The following ODAD4 variants were observed in gnomAD, a reference collection of about 807,000 sequenced individuals.
ODAD4 encodes the protein outer dynein arm-docking complex subunit 4.
Under a neutral mutation model 51.8 loss-of-function variants are expected in ODAD4, and 49 were observed. The observed-to-expected ratio is 0.95, with a 90% CI of 0.75 to 1.20. The LOEUF (loss-of-function observed/expected upper bound fraction) is 1.20, where lower values mean the gene tolerates loss of function less well. Ranked by LOEUF, ODAD4 falls within the 50% of genes most tolerant of loss-of-function variation. The pLI, the probability that ODAD4 is intolerant of heterozygous loss-of-function variation, is 0.00. For missense variants in ODAD4, 590 were observed against 586.5 expected, an observed-to-expected ratio of 1.01 and a Z score of -0.06; for synonymous variants, 235 against 221.3, an observed-to-expected ratio of 1.06 and a Z score of -0.55.
At position 41,965,760 on chromosome 17, in the gene ODAD4, G is replaced by C; in HGVS notation, c.*277G>C. ...AAGGGTTTCAGGAGGGTGAAGATAC[G>C]GGCGCTACAGGGAACAAGAAGTCAC... is the stretch of plus-strand genomic sequence containing the variant. On this transcript the variant is annotated 3_prime_UTR_variant, in exon 12 of 12. Coordinates refer to ENST00000377540, the MANE Select transcript of ODAD4 (RefSeq NM_031421.5). 2.8e-6 allele frequency: 1 copy of C among 359,180 alleles called. No individual in the cohort carries two copies. Among genetic ancestry groups the C allele is most frequent in the Non-Finnish European group, 5.1e-6 (1 of 195,514 alleles). 22.2% of individuals were successfully genotyped at this position (359,180 alleles called of 1,614,324 possible).
At position 41,965,971 on chromosome 17, in the gene ODAD4, G is replaced by T. The variant is rs1378243219; in HGVS notation, c.*488G>T. ...AGCGAATGCTGGGAGTGAGGCCAAA[G>T]ATAGGGGAGTGGCCTGGGAGTCGGG... is the stretch of plus-strand genomic sequence containing the variant. On this transcript the variant is annotated 3_prime_UTR_variant, in exon 12 of 12. Coordinates refer to ENST00000377540, the MANE Select transcript of ODAD4 (RefSeq NM_031421.5). Among the ~76,000 whole-genome samples the T allele has an allele frequency of 5.3e-5, 8 of 152,236 alleles. No homozygotes were observed. Among genetic ancestry groups the T allele is most frequent in the African/African-American group, 1.9e-4 (8 of 41,460 alleles).
chr17:41,931,194 C>T (rs1476238225), intron 1 of ODAD4, among the ~76,000 whole-genome samples: 1 of 152,036 alleles, frequency 6.6e-6, no homozygotes, highest in Non-Finnish European at 1.5e-5. Context: ...TGCGCCTGCC[C>T]CCTGCCCTCA....
intron 9 of ODAD4, among the ~76,000 whole-genome samples, chr17:41,954,360 A>G (rs1349328371): frequency 1.3e-5 from 2 of 152,062 alleles, no homozygotes; most frequent in Admixed American, 1.3e-4. Context: ...TCAATCTGCT[A>G]ATCATTTCAG....
intron 10 of ODAD4, among the ~76,000 whole-genome samples, chr17:41,960,555 G>A (rs1555641551): frequency 6.6e-6 from 1 of 152,232 alleles, no homozygotes; most frequent in East Asian, 1.9e-4. Flanking sequence ...CAGCTGGGAG[G>A]CAGAGCTGGA....
At chr17:41,935,491 C>T (rs1156861662) in intron 2 of ODAD4, 108 bp from the exon 3 acceptor site, 1 of 1,506,120 alleles carries the variant, frequency 6.6e-7, no homozygotes, top group Non-Finnish European at 8.9e-7. Flanking sequence ...AAGTCCCTGC[C>T]CCCTGTATTC....
At chr17:41,933,369 G>T (rs1202593815) in intron 1 of ODAD4, among the ~76,000 whole-genome samples, 4 of 139,372 alleles carry the variant, frequency 2.9e-5, no homozygotes, top group Non-Finnish European at 6.2e-5. Flanking sequence ...AAAAAAAAAA[G>T]ACCAGGTCAG....
chr17:41,963,823 G>C (rs1460253797), intron 11 of ODAD4, among the ~76,000 whole-genome samples: 3 of 149,944 alleles, frequency 2.0e-5, no homozygotes, highest in Non-Finnish European at 4.4e-5. Flanking sequence ...CTGGAGTGCA[G>C]TGGCGCGATC....
Position 41,935,602 on chromosome 17 carries a change from A to C in ODAD4, c.250A>C (p.Ile84Leu). ...LQSDPAFCKG[I>L]LQKAETLYTM... ...ATTTGATTTCCTCCCATTCCAGGGG[A>C]TTTTGCAAAAGGCTGAGACACTGTA... is the stretch of plus-strand genomic sequence containing the variant. Residue 84 changes from isoleucine to leucine, a missense_variant, in exon 3 of 12, where the codon ATT (isoleucine) becomes CTT (leucine). Around this residue, in one of 3 missense-constraint regions of ODAD4, gnomAD observed 360 missense variants for 407.5 expected, o/e 0.88. Transcript: ENST00000377540. 1 of 1,611,404 alleles carries C rather than the reference A, an allele frequency of 6.2e-7. No individual in the cohort carries two copies. The highest frequency in any genetic ancestry group is 8.5e-7 in the Non-Finnish European group (1 of 1,178,734).
intron 4 of ODAD4, 40 bp downstream of exon 4, chr17:41,936,574 A>G (rs782266131): frequency 1.3e-6 from 2 of 1,582,210 alleles, no homozygotes; most frequent in Admixed American, 1.7e-5. Flanking sequence ...CTCCAAGGGA[A>G]GAGGCTATGT....
rs78821467 is a variant in ODAD4, at chr17:41,957,782, T to A, written c.1443+2465T>A. On this transcript the variant is annotated intron_variant, in intron 10 of 11. Transcript: ENST00000377540. ...AGCTTCCTGTCTTCCTAAACAGGCT[T>A]TCTTTTTTCTTTTCTTTTTTTGAGA... 4.1e-3 allele frequency among the ~76,000 whole-genome samples: 620 copies of A among 152,190 alleles called. 12 individuals carry two copies. Among genetic ancestry groups the A allele is most frequent in the East Asian group, 0.018 (95 of 5,160 alleles).
At position 41,939,098 on chromosome 17, in the gene ODAD4, T is replaced by C. The variant is rs1291716956; in HGVS notation, c.984T>C (p.Asn328=). Residue 328 remains asparagine, a synonymous_variant, in exon 7 of 12, where the codon AAT becomes AAC. Coordinates refer to ENST00000377540, the MANE Select transcript of ODAD4 (RefSeq NM_031421.5). ...LVGNLYSCIG[N]AQIELGQMEA... ...GAAACTTGTATAGCTGCATAGGGAA[T>C]GCCCAGATTGAGCTGGGGCAGATGG... The C allele has an allele frequency of 6.2e-7, 1 of 1,613,998 alleles. No individual in the cohort carries two copies. Among genetic ancestry groups the C allele is most frequent in the Non-Finnish European group, 8.5e-7 (1 of 1,179,878 alleles).
intron 9 of ODAD4, among the ~76,000 whole-genome samples, chr17:41,951,501 G>A (rs978572265): frequency 6.8e-6 from 1 of 146,180 alleles, no homozygotes; most frequent in Admixed American, 6.8e-5. Context: ...ATGCAGTGGC[G>A]CGATCTTGGC....
intron 1 of ODAD4, among the ~76,000 whole-genome samples, chr17:41,931,949 C>T (rs1165690527): frequency 9.4e-6 from 1 of 106,730 alleles, no homozygotes; most frequent in East Asian, 3.0e-4. Flanking sequence ...GTTTTGGAGA[C>T]GTAGTCTTGC....
At chr17:41,947,382 G>T (rs2050603075) in intron 8 of ODAD4, among the ~76,000 whole-genome samples, 1 of 151,890 alleles carries the variant, frequency 6.6e-6, no homozygotes, top group Admixed American at 6.6e-5. Flanking sequence ...CTACACAGGA[G>T]GCTGAGGCAG....
chr17:41,955,767 T>C (rs1220105083), intron 10 of ODAD4, among the ~76,000 whole-genome samples: 1 of 152,142 alleles, frequency 6.6e-6, no homozygotes, highest in African/African-American at 2.4e-5. Context: ...TGCTACGTAC[T>C]CTGCATGCTG....
At position 41,932,941 on chromosome 17, in the gene ODAD4, G is replaced by A. The variant is rs77365347; in HGVS notation, c.114+2104G>A. Reference sequence around the variant, plus strand: ...TCCAAATTGCCCACTTCTTCTTCTAGATGGAGTGATAGGATAACCCTGTAG... The same window carrying A: ...TCCAAATTGCCCACTTCTTCTTCTAAATGGAGTGATAGGATAACCCTGTAG... On this transcript the variant is annotated intron_variant, in intron 1 of 11. Transcript: ENST00000377540. 5.3e-5 allele frequency among the ~76,000 whole-genome samples: 8 copies of A among 152,112 alleles called. No individual in the cohort carries two copies. The East Asian group carries it at 1.5e-3, about 29-fold the overall frequency.
chr17:41,936,949 C>T (rs369948244), intron 5 of ODAD4, 22 bp downstream of exon 5: 29 of 1,610,828 alleles, frequency 1.8e-5, no homozygotes, highest in Admixed American at 3.3e-5. Context: ...TTTGTTGGCA[C>T]GGGGCCTTGG....
intron 10 of ODAD4, among the ~76,000 whole-genome samples, chr17:41,955,829 T>A (rs2050724660): frequency 6.6e-6 from 1 of 152,142 alleles, no homozygotes; most frequent in Admixed American, 6.6e-5. Context: ...ATTTATTTAT[T>A]GAGACAGGGT....
Position 41,965,426 on chromosome 17 carries a change from TGGAGAAATA to T in ODAD4, c.1970_1978del (p.Ile657_Glu659del). The T allele has an allele frequency of 1.3e-6, 1 of 777,304 alleles. No individual in the cohort carries two copies. Among genetic ancestry groups the T allele is most frequent in the Non-Finnish European group, 2.4e-6 (1 of 417,230 alleles). The allele number at this position is 777,304 out of a possible 1,614,324, so 48.2% of individuals were successfully genotyped here. A position where few individuals can be genotyped will look rare whatever the true frequency, so the allele number is the denominator to read the frequency against. On this transcript the variant is annotated inframe_deletion, in exon 12 of 12. Coordinates refer to ENST00000377540, the MANE Select transcript of ODAD4 (RefSeq NM_031421.5). The stretch of plus-strand genomic sequence containing the variant: ...CAGAAGAACTGGGAAAAACACAATT[TGGAGAAATA>T]GGAGAAACGAAAAAAACAGGAAATG...
Sources: gnomAD v4.1 joint callset for allele counts (sites outside exome capture counted in the v4.1 genomes callset) on GRCh38, gnomAD v4.1.1 for gene constraint, gnomAD v4.1.1 regional missense constraint, MANE v1.5 for transcripts, NCBI Gene and HGNC (gene_info 2026-07-23, HGNC 2026-07-21) for gene names.